Variants in GABRB2 observed in about 807,000 individuals in gnomAD.
GABRB2 encodes the protein gamma-aminobutyric acid type A receptor subunit beta2.
Under a neutral mutation model 54.7 loss-of-function variants are expected in GABRB2, and 16 were observed. The ratio of observed to expected loss-of-function variants is 0.29; its 90% CI spans 0.20 to 0.44. The LOEUF is 0.44. Ranked by LOEUF, GABRB2 falls within the 20% of genes least tolerant of loss-of-function variation. GABRB2 has a pLI of 1.00. For synonymous variants in GABRB2, 244 were observed against 233.8 expected, an observed-to-expected ratio of 1.04 and a Z score of -0.40; for missense variants, 355 against 644.0, an observed-to-expected ratio of 0.55 and a Z score of 4.86.
At chr5:161,483,528 G>A (rs1447836028) in intron 3 of GABRB2, among the ~76,000 whole-genome samples, 4 of 150,760 alleles carry the variant, frequency 2.7e-5, no homozygotes, top group Admixed American at 1.3e-4. Context: ...TATTGAAACA[G>A]TGTTATAAAA....
chr5:161,375,824 TGAA>T (rs1177196414), intron 5 of GABRB2, among the ~76,000 whole-genome samples: 1 of 152,152 alleles, frequency 6.6e-6, no homozygotes, highest in Non-Finnish European at 1.5e-5. Context: ...TCAATAATGA[TGAA>T]GAAGATGATG....
intron 4 of GABRB2, among the ~76,000 whole-genome samples, chr5:161,440,886 T>C (rs2113208126): frequency 6.6e-6 from 1 of 152,294 alleles, no homozygotes; most frequent in Non-Finnish European, 1.5e-5. Context: ...ATGTCTTCAA[T>C]AACTGGTGCT....
chr5:161,440,506 G>A (rs1057436063), intron 4 of GABRB2, among the ~76,000 whole-genome samples: 9 of 152,064 alleles, frequency 5.9e-5, no homozygotes, highest in African/African-American at 2.2e-4. Context: ...ATTATATAAT[G>A]ATAAAAGGTC....
At chr5:161,488,285 A>G (rs1430462950) in intron 3 of GABRB2, among the ~76,000 whole-genome samples, 1 of 150,870 alleles carries the variant, frequency 6.6e-6, no homozygotes, top group Non-Finnish European at 1.5e-5. Flanking sequence ...CAATCACTTC[A>G]AGAGGCCCTA....
chr5:161,486,596 G>A (rs947185372), intron 3 of GABRB2, among the ~76,000 whole-genome samples: 3 of 151,778 alleles, frequency 2.0e-5, no homozygotes, highest in African/African-American at 4.8e-5. Context: ...ATGGCACATC[G>A]ATTTGAAGTG....
intron 7 of GABRB2, among the ~76,000 whole-genome samples, chr5:161,333,953 G>A (rs1003627843): frequency 6.6e-6 from 1 of 152,086 alleles, no homozygotes; most frequent in South Asian, 2.1e-4. Context: ...ATCTTTTACT[G>A]CTAGATATAA....
intron 8 of GABRB2, chr5:161,330,318 T>C (rs1753794323): frequency 1.3e-5 from 2 of 152,282 alleles, no homozygotes; most frequent in African/African-American, 4.8e-5. Flanking sequence ...TTTTCCCCCT[T>C]ACTCTTCTTA....
intron 3 of GABRB2, among the ~76,000 whole-genome samples, chr5:161,490,703 A>G (rs984398972): frequency 6.6e-6 from 1 of 151,738 alleles, no homozygotes; most frequent in African/African-American, 2.4e-5. Flanking sequence ...AGCCTTATAT[A>G]GTACTTGTCA....
At chr5:161,482,020 G>A (rs573141282) in intron 3 of GABRB2, among the ~76,000 whole-genome samples, 1 of 152,036 alleles carries the variant, frequency 6.6e-6, no homozygotes, top group East Asian at 1.9e-4. Flanking sequence ...TTGTCATTTT[G>A]CCTGAGACCA....
At chr5:161,322,746 GC>G (rs1347610989) in intron 9 of GABRB2, among the ~76,000 whole-genome samples, 4 of 152,076 alleles carry the variant, frequency 2.6e-5, no homozygotes, top group Non-Finnish European at 5.9e-5. Context: ...ATTTACTACA[GC>G]CTGAACTTTG....
chr5:161,401,880 T>C (rs1233194681), intron 5 of GABRB2, among the ~76,000 whole-genome samples: 1 of 152,180 alleles, frequency 6.6e-6, no homozygotes, highest in Non-Finnish European at 1.5e-5. Flanking sequence ...AGCAGACTTT[T>C]CTGAGATGAT....
intron 4 of GABRB2, among the ~76,000 whole-genome samples, chr5:161,419,727 T>C (rs1156967284): frequency 6.6e-6 from 1 of 152,218 alleles, no homozygotes; most frequent in Non-Finnish European, 1.5e-5. Context: ...AAATACGGCA[T>C]GTTCCTCACT....
In GABRB2 at chr5:161,335,391, C is replaced by T. The variant is rs1023706413; in HGVS notation, c.680-487G>A. The stretch of plus-strand genomic sequence containing the variant: ...GTTTTTGTAGGTTTTCACGTATATG[C>T]TTCTTTTTTTTAATAGTTTCATTGC... On this transcript the variant is annotated intron_variant, in intron 6 of 9. Transcript: ENST00000393959. Among the ~76,000 whole-genome samples, 3 of 152,014 alleles carry T rather than the reference C, an allele frequency of 2.0e-5. No homozygotes were observed. The East Asian group carries it at 5.8e-4, about 29-fold the overall frequency.
At chr5:161,500,388 A>G (rs922070409) in intron 3 of GABRB2, among the ~76,000 whole-genome samples, 10 of 152,146 alleles carry the variant, frequency 6.6e-5, no homozygotes, top group African/African-American at 2.4e-4. Context: ...AGAGTAATGC[A>G]AAGAACACAG....
intron 5 of GABRB2, among the ~76,000 whole-genome samples, chr5:161,354,860 T>G (rs1430457259): frequency 6.6e-6 from 1 of 152,116 alleles, no homozygotes; most frequent in Admixed American, 6.6e-5. Context: ...TTGCTTTTAG[T>G]TGCAAAAACT....
intron 3 of GABRB2, among the ~76,000 whole-genome samples, chr5:161,486,587 T>C (rs540919826): frequency 1.3e-5 from 2 of 152,024 alleles, no homozygotes; most frequent in East Asian, 2.0e-4. Context: ...TCTGGAAGGA[T>C]GGCACATCGA....
intron 3 of GABRB2, among the ~76,000 whole-genome samples, chr5:161,515,652 T>G (rs1389692332): frequency 6.6e-6 from 1 of 152,198 alleles, no homozygotes; most frequent in Non-Finnish European, 1.5e-5. Context: ...TAGAAGAACA[T>G]GTAGAAGAAC....
At chr5:161,390,183 A>C (rs1430191708) in intron 5 of GABRB2, among the ~76,000 whole-genome samples, 2 of 152,100 alleles carry the variant, frequency 1.3e-5, no homozygotes, top group African/African-American at 4.8e-5. Flanking sequence ...TAAATATCTC[A>C]GTGTAGCCCT....
At chr5:161,463,179 A>G (rs1289803117) in intron 3 of GABRB2, among the ~76,000 whole-genome samples, 2 of 152,056 alleles carry the variant, frequency 1.3e-5, no homozygotes, top group South Asian at 4.1e-4. Context: ...ATAAAACCAC[A>G]ACTACCTGAT....
Sources: allele counts gnomAD v4.1 joint callset (sites outside exome capture counted in the v4.1 genomes callset), GRCh38; gene constraint gnomAD v4.1.1; transcripts MANE v1.5; gene names NCBI Gene and HGNC (gene_info 2026-07-23, HGNC 2026-07-21).